SGCZ: variants seen among roughly 807,000 people sequenced by gnomAD.
SGCZ encodes the protein zeta-sarcoglycan.
Under a neutral mutation model 41.3 loss-of-function variants are expected in SGCZ, and 40 were observed. The ratio of observed to expected loss-of-function variants is 0.97; its 90% CI spans 0.75 to 1.26. The LOEUF is 1.26. Among genes scored for constraint, SGCZ ranks in the 50% most tolerant of loss-of-function variants. The pLI is 0.00. For synonymous variants in SGCZ, 206 were observed against 137.5 expected (o/e 1.50, Z -3.49); for missense variants, 552 against 369.8 (o/e 1.49, Z -4.04).
At chr8:14,225,520 C>G (rs1409565560) in intron 4 of SGCZ, among the ~76,000 whole-genome samples, 1 of 151,946 alleles carries the variant, frequency 6.6e-6, no homozygotes, top group Non-Finnish European at 1.5e-5. Context: ...ACATGATAGT[C>G]AGGTGTAATC....
At chr8:14,241,402 A>G (rs990418025) in intron 3 of SGCZ, among the ~76,000 whole-genome samples, 1 of 149,158 alleles carries the variant, frequency 6.7e-6, no homozygotes, top group African/African-American at 2.4e-5. Context: ...ACTACTATAA[A>G]GATATAATAT....
At chr8:14,478,019 A>G (rs771955703) in intron 2 of SGCZ, among the ~76,000 whole-genome samples, 4 of 152,226 alleles carry the variant, frequency 2.6e-5, no homozygotes, top group Admixed American at 6.5e-5. Flanking sequence ...TGAAGAAGGA[A>G]CCTGATGAAT....
chr8:15,098,897 T>C (rs754876604), intron 1 of SGCZ, among the ~76,000 whole-genome samples: 7 of 151,934 alleles, frequency 4.6e-5, no homozygotes, highest in Non-Finnish European at 7.4e-5. Flanking sequence ...TGTCTCTACT[T>C]AAATACAAAA....
chr8:14,526,817 C>G (rs2117114513), intron 2 of SGCZ, among the ~76,000 whole-genome samples: 1 of 152,114 alleles, frequency 6.6e-6, no homozygotes, highest in African/African-American at 2.4e-5. Flanking sequence ...TTATCTATGA[C>G]AGATTCGTAC....
chr8:14,115,259 T>A (rs1284911182), intron 5 of SGCZ, among the ~76,000 whole-genome samples: 1 of 152,012 alleles, frequency 6.6e-6, no homozygotes, highest in Non-Finnish European at 1.5e-5. Flanking sequence ...TGAGAAAGCA[T>A]AATCAAGAAT....
chr8:14,653,638 C>T (rs1392976609), intron 1 of SGCZ, among the ~76,000 whole-genome samples: 3 of 152,198 alleles, frequency 2.0e-5, no homozygotes, highest in African/African-American at 7.2e-5. Flanking sequence ...TGTCTATAAG[C>T]GACCATGCTA....
chr8:14,931,185 G>A (rs1291402248), intron 1 of SGCZ, among the ~76,000 whole-genome samples: 1 of 151,650 alleles, frequency 6.6e-6, no homozygotes, highest in African/African-American at 2.4e-5. Context: ...TTCCTTGCTG[G>A]ATTCTTGATT....
At chr8:14,319,836 A>T (rs1683882306) in intron 3 of SGCZ, among the ~76,000 whole-genome samples, 1 of 152,092 alleles carries the variant, frequency 6.6e-6, no homozygotes, top group Non-Finnish European at 1.5e-5. Flanking sequence ...CAGGGAGTTA[A>T]GAAAAGCTGT....
intron 3 of SGCZ, among the ~76,000 whole-genome samples, chr8:14,296,126 C>A (rs1030318943): frequency 1.3e-5 from 2 of 152,090 alleles, no homozygotes; most frequent in African/African-American, 4.8e-5. Context: ...TAGGCTTGGC[C>A]TAAATAAGCT....
At chr8:15,111,814 T>A (rs1321175809) in intron 1 of SGCZ, among the ~76,000 whole-genome samples, 1 of 151,278 alleles carries the variant, frequency 6.6e-6, no homozygotes, top group Non-Finnish European at 1.5e-5. Context: ...GCAGAAGAAC[T>A]GCTTGAACCA....
At chr8:14,971,026 A>G (rs1291095210) in intron 1 of SGCZ, among the ~76,000 whole-genome samples, 4 of 152,168 alleles carry the variant, frequency 2.6e-5, no homozygotes, top group Non-Finnish European at 4.4e-5. Context: ...TCTCTAGGAC[A>G]TATTTTTGAT....
rs201023498 is a variant in SGCZ at position 14,996,124 on chromosome 8, G to A, written c.39+241461C>T. ...TTCACCATGTTAGCCAGGATGGTCT[G>A]GATTTCCTGACCTCGTGATCTGCCC... On this transcript the variant is annotated intron_variant, in intron 1 of 7. Coordinates refer to ENST00000382080, the MANE Select transcript of SGCZ (RefSeq NM_139167.4). Among the ~76,000 whole-genome samples the A allele has an allele frequency of 7.9e-5, 12 of 152,126 alleles. No individual in the cohort carries two copies. In the East Asian group the frequency reaches 1.7e-3, roughly 22 times the overall value.
At chr8:14,741,078 A>T (rs964620357) in intron 1 of SGCZ, among the ~76,000 whole-genome samples, 1 of 152,068 alleles carries the variant, frequency 6.6e-6, no homozygotes, top group Non-Finnish European at 1.5e-5. Flanking sequence ...TTTTCTTGTA[A>T]AACTGCAGTA....
chr8:14,206,278 A>G (rs1805612882), intron 4 of SGCZ, among the ~76,000 whole-genome samples: 2 of 152,138 alleles, frequency 1.3e-5, no homozygotes, highest in African/African-American at 4.8e-5. Context: ...CTCAGAAATT[A>G]CAAGCCTTAT....
chr8:14,727,556 G>T (rs1585213209), intron 1 of SGCZ, among the ~76,000 whole-genome samples: 1 of 151,544 alleles, frequency 6.6e-6, no homozygotes, highest in East Asian at 2.0e-4. Context: ...TGTTGCCCAG[G>T]CTAGAGTGCA....
At position 15,097,796 on chromosome 8, in the gene SGCZ, ACGTGTATATATATATATACGTG is replaced by A. The variant is rs1563123794; in HGVS notation, c.39+139767_39+139788del. 1.7e-4 allele frequency among the ~76,000 whole-genome samples: 23 copies of A among 132,058 alleles called. 1 individual carries two copies. The highest frequency in any genetic ancestry group is 7.5e-4 in the African/African-American group (23 of 30,568). The allele number at this position is 132,058 out of a possible 152,430, so 86.6% of individuals were successfully genotyped here. ...TATATATATACGTGTATATATATAT[ACGTGTATATATATATATACGTG>A]TGTGTATATATATATACGTGTGTGT... On this transcript the variant is annotated intron_variant, in intron 1 of 7. Transcript: ENST00000382080.
At chr8:14,349,919 A>C (rs978980342) in intron 2 of SGCZ, among the ~76,000 whole-genome samples, 5 of 152,184 alleles carry the variant, frequency 3.3e-5, no homozygotes, top group African/African-American at 1.2e-4. Flanking sequence ...AAGCTCAGGA[A>C]AGTCGTGTAG....
chr8:14,519,745 A>G lies in SGCZ; in HGVS notation c.234+34987T>C, dbSNP rs140639617. Among the ~76,000 whole-genome samples the G allele has an allele frequency of 2.4e-3, 361 of 152,226 alleles. 1 individual carries two copies. Among genetic ancestry groups the G allele is most frequent in the African/African-American group, 8.3e-3 (343 of 41,566 alleles). ...CCATTATTTATTTTTCAAGTTTTGCATAGAATATATTGGTTTTTGTTGAAA... is the reference window on the plus strand; with the variant it reads ...CCATTATTTATTTTTCAAGTTTTGCGTAGAATATATTGGTTTTTGTTGAAA... On this transcript the variant is annotated intron_variant, in intron 2 of 7. Transcript: ENST00000382080.
intron 4 of SGCZ, among the ~76,000 whole-genome samples, chr8:14,181,008 C>T (rs565929856): frequency 6.6e-6 from 1 of 152,096 alleles, no homozygotes; most frequent in Non-Finnish European, 1.5e-5. Flanking sequence ...GTCATAGAGT[C>T]GATACCGTTT....
Sources: allele counts gnomAD v4.1 joint callset (sites outside exome capture counted in the v4.1 genomes callset), GRCh38; gene constraint gnomAD v4.1.1; transcripts MANE v1.5; gene names NCBI Gene and HGNC (gene_info 2026-07-23, HGNC 2026-07-21).